The following NECTIN3 variants were observed in gnomAD, a reference collection of about 807,000 sequenced individuals.
NECTIN3 encodes the protein nectin cell adhesion molecule 3, also known as nectin-3.
Under a neutral mutation model 49.4 loss-of-function variants are expected in NECTIN3, and 8 were observed. That is an observed-to-expected ratio of 0.16 (90% CI 0.10 to 0.29). NECTIN3 has a LOEUF of 0.29. Among genes scored for constraint, NECTIN3 ranks in the 10% least tolerant of loss-of-function variants. The probability of loss-of-function intolerance (pLI) is 1.00; values close to 1 mark genes in which losing one functional copy is unlikely to be tolerated. For missense variants in NECTIN3, 581 were observed against 654.6 expected, an observed-to-expected ratio of 0.89 and a Z score of 1.23; for synonymous variants, 277 against 241.1, an observed-to-expected ratio of 1.15 and a Z score of -1.38.
rs979100806 is a variant in NECTIN3 at position 111,135,604 on chromosome 3, A to G, written c.*1389A>G. 2 of 964,064 alleles carry G rather than the reference A, an allele frequency of 2.1e-6. No individual in the cohort carries two copies. Among genetic ancestry groups the G allele is most frequent in the African/African-American group, 3.5e-5 (2 of 56,646 alleles). 59.7% of individuals were successfully genotyped at this position (964,064 alleles called of 1,614,324 possible). On this transcript the variant is annotated 3_prime_UTR_variant, in exon 6 of 6. Transcript: ENST00000485303. ...CATTTGAAAAAGTGACCATTTTGCCAGTGAAATGAAGTGGAAGTTAGTAGG... is the reference window on the plus strand; with the variant it reads ...CATTTGAAAAAGTGACCATTTTGCCGGTGAAATGAAGTGGAAGTTAGTAGG...
At chr3:111,186,922 G>GT (rs1168586110) in intron 7 of NECTIN3, among the ~76,000 whole-genome samples, 3 of 152,138 alleles carry the variant, frequency 2.0e-5, no homozygotes, top group Non-Finnish European at 4.4e-5. Context: ...GAGTATTATA[G>GT]TTTTATTCAG....
At chr3:111,164,148 T>C (rs2035273062) in intron 7 of NECTIN3, among the ~76,000 whole-genome samples, 1 of 152,224 alleles carries the variant, frequency 6.6e-6, no homozygotes, top group African/African-American at 2.4e-5. Context: ...ATTTGAAAGT[T>C]AGCAAAATGC....
intron 7 of NECTIN3, among the ~76,000 whole-genome samples, chr3:111,176,648 CTA>C (rs1452732435): frequency 1.3e-5 from 2 of 151,852 alleles, no homozygotes; most frequent in East Asian, 3.9e-4. Flanking sequence ...GAAGGAGAAA[CTA>C]TATATGTTAC....
chr3:111,177,714 G>A lies in NECTIN3; in HGVS notation c.1222-14637G>A, dbSNP rs565811467. ...TAAATAGGTACAGCATTAGGGCATC[G>A]CATTGAAAAGCAGAGATGCCCCTTG... On this transcript the variant is annotated intron_variant, in intron 7 of 8. Transcript: ENST00000493615. Among the ~76,000 whole-genome samples the A allele has an allele frequency of 1.3e-4, 20 of 152,266 alleles. No homozygotes were observed. In the East Asian group the frequency reaches 1.4e-3, roughly 10 times the overall value.
At position 111,135,280 on chromosome 3, in the gene NECTIN3, G is replaced by A. The variant is rs76487055; in HGVS notation, c.*1065G>A. On this transcript the variant is annotated 3_prime_UTR_variant, in exon 6 of 6. Coordinates refer to ENST00000485303, the MANE Select transcript of NECTIN3 (RefSeq NM_015480.3). ...AAAAAACTAGATTATAGAATTAGTC[G>A]GTAACACTTGCTAATGGACATTGGC... The A allele has an allele frequency of 0.024, 22,943 of 963,780 alleles. 2,064 individuals are homozygous for A. The East Asian group carries it at 0.44, about 19-fold the overall frequency. 59.7% of individuals were successfully genotyped at this position (963,780 alleles called of 1,614,324 possible).
chr3:111,077,119 G>A, intron 1 of NECTIN3: 3 of 338,652 alleles, frequency 8.9e-6, no homozygotes, highest in Non-Finnish European at 1.8e-5. Flanking sequence ...CCATATCGCA[G>A]GTATTATAGT....
chr3:111,111,860 T>G, intron 1 of NECTIN3, 170 bp from the exon 2 acceptor site: 1 of 525,898 alleles, frequency 1.9e-6, no homozygotes, highest in African/African-American at 1.9e-5. Context: ...GTTGTACGTT[T>G]TGTGTGTGGT....
rs993785645 is a variant in NECTIN3, at chr3:111,135,244, G to A, written c.*1029G>A. 8 of 969,140 alleles carry A rather than the reference G, an allele frequency of 8.3e-6. No individual in the cohort carries two copies. The African/African-American group carries it at 1.2e-4, about 15-fold the overall frequency. The allele number at this position is 969,140 out of a possible 1,614,324, so 60.0% of individuals were successfully genotyped here. The stretch of plus-strand genomic sequence containing the variant: ...ATTTTAGAGTAAACTTGGAACTTTG[G>A]ATATAACTAGAAAAAACTAGATTAT... On this transcript the variant is annotated 3_prime_UTR_variant, in exon 6 of 6. Transcript: ENST00000485303.
chr3:111,072,887 A>C (rs1465087120), intron 1 of NECTIN3: 1 of 244,612 alleles, frequency 4.1e-6, no homozygotes, highest in African/African-American at 2.3e-5. Context: ...CGGCTGTTCT[A>C]ACCAAAACAG....
chr3:111,154,794 G>T (rs1256200627), intron 7 of NECTIN3, among the ~76,000 whole-genome samples: 1 of 152,088 alleles, frequency 6.6e-6, no homozygotes, highest in South Asian at 2.1e-4. Context: ...ATTCTTTGGT[G>T]AAATATCTGT....
chr3:111,147,865 A>G (rs1473333452), intron 7 of NECTIN3, among the ~76,000 whole-genome samples: 1 of 152,216 alleles, frequency 6.6e-6, no homozygotes, highest in Non-Finnish European at 1.5e-5. Context: ...ATATCTGTTG[A>G]GTAGCATGAA....
chr3:111,133,774 C>T lies in NECTIN3; in HGVS notation c.1209C>T (p.Ala403=). 6.2e-7 allele frequency: 1 copy of T among 1,613,932 alleles called. No individual in the cohort carries two copies. Among genetic ancestry groups the T allele is most frequent in the Non-Finnish European group, 8.5e-7 (1 of 1,179,886 alleles). Residue 403 remains alanine (A), a synonymous_variant, in exon 6 of 6, where the codon GCC becomes GCT. Coordinates refer to ENST00000485303, the MANE Select transcript of NECTIN3 (RefSeq NM_015480.3). ...TLATIKDDTI[A]TIIASVVGGA... ...CAACAATTAAGGATGACACAATTGC[C>T]ACGATCATTGCTAGTGTAGTGGGTG...
At chr3:111,114,824 A>G (rs7616280) in intron 2 of NECTIN3, among the ~76,000 whole-genome samples, 4,842 of 152,072 alleles carry the variant, frequency 0.032, 86 homozygotes, top group Middle Eastern at 0.054. Context: ...ACTAACTGCA[A>G]ATAGAGAATA....
rs1446985173 is a variant in NECTIN3 at position 111,136,880 on chromosome 3, G to A, written c.*2665G>A. 1.0e-6 allele frequency: 1 copy of A among 966,742 alleles called. No individual in the cohort carries two copies. The highest frequency in any genetic ancestry group is 1.2e-6 in the Non-Finnish European group (1 of 813,270). 59.9% of individuals were successfully genotyped at this position (966,742 alleles called of 1,614,324 possible). A position where few individuals can be genotyped will look rare whatever the true frequency, so the allele number is the denominator to read the frequency against. ...ATACATTGAAACTAAAGTAGGCTCG[G>A]GGTTAACTTTAAAAGTGATATTTGA... On this transcript the variant is annotated 3_prime_UTR_variant, in exon 6 of 6. Transcript: ENST00000485303.
chr3:111,086,012 A>C (rs1218683558), intron 1 of NECTIN3, among the ~76,000 whole-genome samples: 1 of 152,170 alleles, frequency 6.6e-6, no homozygotes, highest in Non-Finnish European at 1.5e-5. Context: ...CATTCTGGTC[A>C]GCATGTAGTG....
In NECTIN3 at chr3:111,122,041, A is replaced by G. The variant is rs1480079400; in HGVS notation, c.800-80A>G. 2.5e-5 allele frequency: 24 copies of G among 975,090 alleles called. No homozygotes were observed. In the East Asian group the frequency reaches 4.9e-4, roughly 20 times the overall value. 60.4% of individuals were successfully genotyped at this position (975,090 alleles called of 1,614,324 possible). Reference sequence around the variant, plus strand: ...TTCCTGTTATTCTAAGGCTTTGTCTATTATCTTAATATTTTATCATGTATA... The same window carrying G: ...TTCCTGTTATTCTAAGGCTTTGTCTGTTATCTTAATATTTTATCATGTATA... On this transcript the variant is annotated intron_variant, in intron 3 of 5. Coordinates refer to ENST00000485303, the MANE Select transcript of NECTIN3 (RefSeq NM_015480.3).
intron 7 of NECTIN3, among the ~76,000 whole-genome samples, chr3:111,185,076 G>T (rs886643967): frequency 2.6e-5 from 4 of 152,168 alleles, no homozygotes. Context: ...GTTATTCTTT[G>T]CTCTGTGCAT....
intron 1 of NECTIN3, among the ~76,000 whole-genome samples, chr3:111,107,478 G>A (rs895483329): frequency 2.6e-5 from 4 of 152,156 alleles, no homozygotes; most frequent in Admixed American, 6.6e-5. Flanking sequence ...TGTCTAGAGT[G>A]TGCAGTAGCC....
At chr3:111,090,040 G>GTC (rs941802069) in intron 1 of NECTIN3, among the ~76,000 whole-genome samples, 7 of 152,066 alleles carry the variant, frequency 4.6e-5, no homozygotes, top group Admixed American at 2.0e-4. Flanking sequence ...CATTTACTTT[G>GTC]TCTAGTTTTC....
Sources: allele counts gnomAD v4.1 joint callset (sites outside exome capture counted in the v4.1 genomes callset), GRCh38; gene constraint gnomAD v4.1.1; transcripts MANE v1.5; gene names NCBI Gene and HGNC (gene_info 2026-07-23, HGNC 2026-07-21).